The following CREB5 variants were observed in gnomAD, a reference collection of about 807,000 sequenced individuals.
CREB5 encodes cyclic AMP-responsive element-binding protein 5.
CREB5 carries 19 observed loss-of-function variants against 57.1 expected under a neutral mutation model. That is an observed-to-expected ratio of 0.33 (90% CI 0.23 to 0.49). The LOEUF is 0.49. Ranked by LOEUF, CREB5 falls within the 20% of genes least tolerant of loss-of-function variation. CREB5 has a pLI of 0.99. For missense variants in CREB5, 579 were observed against 671.6 expected, an observed-to-expected ratio of 0.86 and a Z score of 1.52; for synonymous variants, 238 against 238.3, an observed-to-expected ratio of 1.00 and a Z score of 0.01.
chr7:28,477,441 C>T (rs1381554012), intron 1 of CREB5, among the ~76,000 whole-genome samples: 1 of 152,198 alleles, frequency 6.6e-6, no homozygotes, highest in Non-Finnish European at 1.5e-5. Flanking sequence ...AAAGAAACCA[C>T]GTTCATGCGT....
chr7:28,413,245 T>C (rs1787880544), intron 1 of CREB5, among the ~76,000 whole-genome samples: 1 of 151,988 alleles, frequency 6.6e-6, no homozygotes, highest in Non-Finnish European at 1.5e-5. Context: ...TGAGGTTTCA[T>C]GAATCACTTC....
At chr7:28,560,856 G>GT (rs1795109028) in intron 4 of CREB5, among the ~76,000 whole-genome samples, 1 of 74,084 alleles carries the variant, frequency 1.3e-5, no homozygotes, top group African/African-American at 4.9e-5. Flanking sequence ...GCGTGTGTGT[G>GT]TGCGTGTGCC....
chr7:28,460,227 G>A (rs184598380), intron 1 of CREB5, among the ~76,000 whole-genome samples: 1 of 152,166 alleles, frequency 6.6e-6, no homozygotes. Flanking sequence ...GGAAATAAAA[G>A]GTTGCAGGGG....
chr7:28,580,891 A>G (rs150711613), intron 5 of CREB5, among the ~76,000 whole-genome samples: 1 of 152,024 alleles, frequency 6.6e-6, no homozygotes. Context: ...TTGAGCTTCA[A>G]ATTGAATGAA....
intron 5 of CREB5, among the ~76,000 whole-genome samples, chr7:28,614,037 C>T (rs992523347): frequency 5.9e-5 from 9 of 152,172 alleles, no homozygotes; most frequent in Non-Finnish European, 8.8e-5. Flanking sequence ...CAGCTCACTG[C>T]GGTCTTTGAA....
chr7:28,542,445 C>T (rs1385158538), intron 4 of CREB5, among the ~76,000 whole-genome samples: 2 of 152,104 alleles, frequency 1.3e-5, no homozygotes, highest in Non-Finnish European at 2.9e-5. Context: ...GGTGGTAAAA[C>T]ACTGGTTGTT....
chr7:28,525,927 T>C (rs1271321315), intron 4 of CREB5, among the ~76,000 whole-genome samples: 1 of 152,208 alleles, frequency 6.6e-6, no homozygotes, highest in Admixed American at 6.5e-5. Flanking sequence ...TATAAAGTAC[T>C]GTAGCTTGTA....
intron 1 of CREB5, among the ~76,000 whole-genome samples, chr7:28,362,747 T>TAGAG (rs1304989719): frequency 1.4e-4 from 22 of 152,286 alleles, no homozygotes; most frequent in Admixed American, 4.6e-4. Flanking sequence ...CGTCCTTGGG[T>TAGAG]AGAGGTACAC....
chr7:28,802,910 T>G (rs1808455340), intron 7 of CREB5, among the ~76,000 whole-genome samples: 1 of 152,258 alleles, frequency 6.6e-6, no homozygotes, highest in African/African-American at 2.4e-5. Flanking sequence ...TATATGAAAT[T>G]CAGATTTCCT....
intron 7 of CREB5, among the ~76,000 whole-genome samples, chr7:28,789,769 G>A (rs1807554071): frequency 6.6e-6 from 1 of 151,722 alleles, no homozygotes; most frequent in South Asian, 2.1e-4. Flanking sequence ...CATCAGCATG[G>A]GTCATGAATA....
chr7:28,404,739 A>G (rs42705), intron 1 of CREB5, among the ~76,000 whole-genome samples: 1 of 152,020 alleles, frequency 6.6e-6, no homozygotes, highest in Non-Finnish European at 1.5e-5. Flanking sequence ...CTTTTGATTA[A>G]CCAGGCACAG....
intron 1 of CREB5, among the ~76,000 whole-genome samples, chr7:28,437,725 T>G (rs1200515205): frequency 6.6e-6 from 1 of 152,190 alleles, no homozygotes; most frequent in Non-Finnish European, 1.5e-5. Flanking sequence ...CAGCTATTAT[T>G]AGTAATCACA....
intron 5 of CREB5, among the ~76,000 whole-genome samples, chr7:28,714,628 G>A (rs1178965764): frequency 1.3e-5 from 2 of 152,186 alleles, no homozygotes; most frequent in African/African-American, 2.4e-5. Flanking sequence ...TTGCTGCGGT[G>A]CCTATCATTC....
At chr7:28,505,930 A>C (rs982261732) in intron 3 of CREB5, among the ~76,000 whole-genome samples, 4 of 152,216 alleles carry the variant, frequency 2.6e-5, no homozygotes, top group South Asian at 2.1e-4. Context: ...ATTAGTTGCT[A>C]ATAAAACAAT....
chr7:28,469,170 G>A (rs546764253), intron 1 of CREB5, among the ~76,000 whole-genome samples: 5 of 152,276 alleles, frequency 3.3e-5, no homozygotes, highest in South Asian at 2.1e-4. Flanking sequence ...GCAATGAGCC[G>A]TGATTGCACC....
At chr7:28,574,082 G>A (rs1466668140) in intron 5 of CREB5, among the ~76,000 whole-genome samples, 4 of 152,206 alleles carry the variant, frequency 2.6e-5, no homozygotes, top group Non-Finnish European at 5.9e-5. Context: ...GACTACTTGT[G>A]CTTAGTCAAA....
chr7:28,338,838 T>C (rs189231355), intron 1 of CREB5, among the ~76,000 whole-genome samples: 181 of 152,178 alleles, frequency 1.2e-3, no homozygotes, highest in African/African-American at 4.3e-3. Flanking sequence ...CCTCTGACTG[T>C]GTATTTTCAA....
intron 7 of CREB5, among the ~76,000 whole-genome samples, chr7:28,756,250 C>A (rs1805290424): frequency 6.6e-6 from 1 of 152,146 alleles, no homozygotes; most frequent in East Asian, 1.9e-4. Flanking sequence ...CCCTTTTTCA[C>A]TCAGCAAAAG....
intron 7 of CREB5, among the ~76,000 whole-genome samples, chr7:28,732,100 G>A (rs557221507): frequency 1.3e-5 from 2 of 152,256 alleles, no homozygotes; most frequent in South Asian, 4.2e-4. Flanking sequence ...CACAAGCACA[G>A]AGGGGTTTTG....
Sources: allele counts gnomAD v4.1 joint callset (sites outside exome capture counted in the v4.1 genomes callset), GRCh38; gene constraint gnomAD v4.1.1; transcripts MANE v1.5; gene names NCBI Gene and HGNC (gene_info 2026-07-23, HGNC 2026-07-21).